The following KLHL4 variants were observed in gnomAD, a reference collection of about 807,000 sequenced individuals.
KLHL4 encodes kelch like family member 4.
Under a neutral mutation model 45.8 loss-of-function variants are expected in KLHL4, and 17 were observed. The ratio of observed to expected loss-of-function variants is 0.37; its 90% CI spans 0.25 to 0.56. KLHL4 has a LOEUF of 0.56. Among genes scored for constraint, KLHL4 ranks in the 20% least tolerant of loss-of-function variants. KLHL4 has a pLI of 0.79. For missense variants in KLHL4, 544 were observed against 544.9 expected (o/e 1.00, Z 0.02); for synonymous variants, 224 against 189.9 (o/e 1.18, Z -1.47).
intron 1 of KLHL4, among the ~76,000 whole-genome samples, chrX:87,554,775 A>G (rs977429211): frequency 9.9e-6 from 1 of 101,143 alleles, no homozygotes; most frequent in Non-Finnish European, 2.0e-5. Context: ...GTGGTGAGAG[A>G]GGGCATCCCT....
intron 1 of KLHL4, among the ~76,000 whole-genome samples, chrX:87,601,464 A>G (rs1004697918): frequency 1.8e-4 from 20 of 111,628 alleles, no homozygotes; most frequent in Admixed American, 4.7e-4. Context: ...TTCCCTTACC[A>G]GTGGACTGTT....
intron 1 of KLHL4, among the ~76,000 whole-genome samples, chrX:87,608,443 C>T (rs535979265): frequency 1.5e-4 from 17 of 111,501 alleles, no homozygotes; most frequent in Admixed American, 3.8e-4. Flanking sequence ...GTTCCTTGAA[C>T]GATGCACTGC....
intron 1 of KLHL4, among the ~76,000 whole-genome samples, chrX:87,546,913 T>C (rs1178417182): frequency 8.9e-6 from 1 of 112,861 alleles, no homozygotes; most frequent in Non-Finnish European, 1.9e-5. Flanking sequence ...TTCTTCCATT[T>C]GCAAGGGGAG....
chrX:87,665,051 T>A, intron 10 of KLHL4, 116 bp downstream of exon 10: 2 of 464,802 alleles, frequency 4.3e-6, no homozygotes, highest in Non-Finnish European at 7.1e-6. Context: ...GATCTTTTAG[T>A]GAAATTTATA....
chrX:87,572,174 C>CAT (rs1368495995), intron 1 of KLHL4, among the ~76,000 whole-genome samples: 24 of 111,370 alleles, frequency 2.2e-4, no homozygotes, highest in Admixed American at 2.0e-3. Context: ...CTTCTTGCAT[C>CAT]ATACCAAAGA....
chrX:87,570,101 G>A (rs1021637149), intron 1 of KLHL4, among the ~76,000 whole-genome samples: 21 of 110,791 alleles, frequency 1.9e-4, no homozygotes, highest in African/African-American at 6.5e-4. Context: ...AGTGAGTCAT[G>A]GTCCCTTTCT....
intron 1 of KLHL4, among the ~76,000 whole-genome samples, chrX:87,532,826 G>T (rs986355213): frequency 8.1e-5 from 9 of 110,948 alleles, no homozygotes; most frequent in Non-Finnish European, 1.7e-4. Flanking sequence ...AACATATCCA[G>T]AATCTACAAT....
chrX:87,621,459 A>C (rs2147817805), intron 4 of KLHL4, among the ~76,000 whole-genome samples: 1 of 109,637 alleles, frequency 9.1e-6, no homozygotes, highest in South Asian at 3.8e-4. Context: ...ACACAATGAA[A>C]GAAGAATTGA....
At chrX:87,557,714 G>C (rs1473551225) in intron 1 of KLHL4, among the ~76,000 whole-genome samples, 1 of 69,707 alleles carries the variant, frequency 1.4e-5, no homozygotes, top group East Asian at 8.5e-4. Context: ...CTTTTAAAAT[G>C]TGATAGATAC....
chrX:87,614,187 C>A (rs759994047), intron 2 of KLHL4, 143 bp downstream of exon 2: 2 of 550,479 alleles, frequency 3.6e-6, no homozygotes, highest in South Asian at 7.8e-5. Context: ...TGATCTGTTT[C>A]TCTGTGTATT....
intron 5 of KLHL4, among the ~76,000 whole-genome samples, chrX:87,623,288 CTTT>C (rs67869297): frequency 1.2e-3 from 58 of 50,196 alleles, no homozygotes; most frequent in African/African-American, 4.6e-3. Flanking sequence ...TTCCTTTTTT[CTTT>C]TTTTTTTTTT....
intron 9 of KLHL4, among the ~76,000 whole-genome samples, chrX:87,636,015 T>A (rs755403391): frequency 9.0e-6 from 1 of 111,544 alleles, no homozygotes; most frequent in Admixed American, 9.5e-5. Flanking sequence ...ATTTTAATTT[T>A]AATTTTTTAT....
Position 87,642,841 on chromosome X carries a change from TACAAAG to T in KLHL4, c.1925+7074_1925+7079del, listed in dbSNP as rs1399088251. On this transcript the variant is annotated intron_variant, in intron 9 of 10. Coordinates refer to ENST00000373119, the MANE Select transcript of KLHL4 (RefSeq NM_019117.5). Reference sequence around the variant, plus strand: ...CAAGGTTTTTTAATTAATCCAATCTTACAAAGACAAAGAAAAAAGAATAAGAAAATA... The same window carrying T: ...CAAGGTTTTTTAATTAATCCAATCTTACAAAGAAAAAAGAATAAGAAAATA... Among the ~76,000 whole-genome samples, 13 of 111,847 alleles carry T rather than the reference TACAAAG, an allele frequency of 1.2e-4. No homozygotes were observed. In the East Asian group the frequency reaches 2.5e-3, roughly 22 times the overall value.
At chrX:87,563,338 G>A (rs928368531) in intron 1 of KLHL4, among the ~76,000 whole-genome samples, 1 of 110,066 alleles carries the variant, frequency 9.1e-6, no homozygotes, top group African/African-American at 3.3e-5. Context: ...AGAGATGTGT[G>A]ACCTTTCGGA....
intron 4 of KLHL4, 131 bp downstream of exon 4, chrX:87,618,259 CTGGTT>C: frequency 2.2e-6 from 1 of 450,324 alleles, no homozygotes; most frequent in Admixed American, 4.9e-5. Context: ...AAACATTTGT[CTGGTT>C]GAGCTGCACT....
intron 9 of KLHL4, among the ~76,000 whole-genome samples, chrX:87,656,225 G>C (rs1414139268): frequency 9.0e-6 from 1 of 110,732 alleles, no homozygotes; most frequent in African/African-American, 3.3e-5. Context: ...AAGATACCTA[G>C]ATCTCTTCCT....
At chrX:87,539,535 A>C (rs1035784888) in intron 1 of KLHL4, among the ~76,000 whole-genome samples, 2 of 109,849 alleles carry the variant, frequency 1.8e-5, no homozygotes, top group African/African-American at 3.3e-5. Context: ...TTTTTTTATT[A>C]CTTTTTTATA....
At chrX:87,628,706 T>C (rs764753184) in intron 6 of KLHL4, among the ~76,000 whole-genome samples, 34 of 111,659 alleles carry the variant, frequency 3.0e-4, no homozygotes, top group African/African-American at 1.1e-3. Flanking sequence ...CCCAACACTA[T>C]TGAAATTTTA....
intron 9 of KLHL4, among the ~76,000 whole-genome samples, chrX:87,652,243 A>G (rs1923840736): frequency 8.9e-6 from 1 of 112,428 alleles, no homozygotes; most frequent in South Asian, 3.7e-4. Flanking sequence ...AGGGGCTGCA[A>G]TGAAGATCTC....
Sources: gnomAD v4.1 joint callset for allele counts (sites outside exome capture counted in the v4.1 genomes callset) on GRCh38, gnomAD v4.1.1 for gene constraint, MANE v1.5 for transcripts, NCBI Gene and HGNC (gene_info 2026-07-23, HGNC 2026-07-21) for gene names.